The following NTM variants were observed in gnomAD, a reference collection of about 807,000 sequenced individuals.
NTM encodes IgLON family member 2.
In NTM, 13 loss-of-function variants were observed where a neutral mutation model predicts 42.1. That is an observed-to-expected ratio of 0.31 (90% CI 0.20 to 0.49). The LOEUF (loss-of-function observed/expected upper bound fraction) is 0.49. Ranked by LOEUF, NTM falls within the 20% of genes least tolerant of loss-of-function variation. The probability of loss-of-function intolerance (pLI) is 0.99; values close to 1 mark genes in which losing one functional copy is unlikely to be tolerated. For missense variants in NTM, 373 were observed against 452.8 expected, an observed-to-expected ratio of 0.82 and a Z score of 1.60; for synonymous variants, 187 against 179.2, an observed-to-expected ratio of 1.04 and a Z score of -0.35.
intron 1 of NTM, among the ~76,000 whole-genome samples, chr11:131,541,577 T>A (rs2053266901): frequency 6.6e-6 from 1 of 151,760 alleles, no homozygotes; most frequent in African/African-American, 2.4e-5. Flanking sequence ...TGTGAATTTT[T>A]GGGAGCTATG....
chr11:132,217,768 T>C (rs1290947891), intron 4 of NTM, among the ~76,000 whole-genome samples: 1 of 152,042 alleles, frequency 6.6e-6, no homozygotes, highest in East Asian at 1.9e-4. Context: ...TGTTTCTTTT[T>C]TCTGGAGTTT....
intron 1 of NTM, among the ~76,000 whole-genome samples, chr11:131,487,211 A>G (rs1954272299): frequency 6.6e-6 from 1 of 152,166 alleles, no homozygotes; most frequent in Admixed American, 6.5e-5. Flanking sequence ...GCATATGTTT[A>G]TCTTAAACTC....
intron 2 of NTM, among the ~76,000 whole-genome samples, chr11:132,063,553 C>A (rs546991291): frequency 6.6e-6 from 1 of 152,184 alleles, no homozygotes; most frequent in East Asian, 1.9e-4. Context: ...ATGCACTGAG[C>A]CAGCAGAGCC....
At chr11:131,730,693 T>C (rs1457458446) in intron 1 of NTM, among the ~76,000 whole-genome samples, 19 of 118,904 alleles carry the variant, frequency 1.6e-4, no homozygotes, top group African/African-American at 4.8e-4. Flanking sequence ...CACTCCAACC[T>C]GGGTGCCACA....
chr11:131,936,295 T>C (rs1275951852), intron 2 of NTM, among the ~76,000 whole-genome samples: 2 of 152,238 alleles, frequency 1.3e-5, no homozygotes, highest in African/African-American at 4.8e-5. Context: ...TTCCTCTATA[T>C]AATACCAGAA....
At chr11:132,182,679 T>A (rs766808609) in intron 3 of NTM, among the ~76,000 whole-genome samples, 6 of 152,222 alleles carry the variant, frequency 3.9e-5, no homozygotes, top group Non-Finnish European at 4.4e-5. Context: ...GAGGATGCAG[T>A]CTGCATTGCT....
At chr11:132,188,495 G>A (rs911386499) in intron 3 of NTM, among the ~76,000 whole-genome samples, 1 of 152,098 alleles carries the variant, frequency 6.6e-6, no homozygotes, top group Admixed American at 6.6e-5. Flanking sequence ...AAATTCCACT[G>A]CCTGCCTTAA....
chr11:131,920,029 C>T (rs570457499), intron 2 of NTM, among the ~76,000 whole-genome samples: 1 of 152,180 alleles, frequency 6.6e-6, no homozygotes, highest in East Asian at 1.9e-4. Flanking sequence ...CTTTGTTTTT[C>T]GTAAAAAGAT....
chr11:131,899,834 C>T (rs2052865965), intron 1 of NTM, among the ~76,000 whole-genome samples: 1 of 152,066 alleles, frequency 6.6e-6, no homozygotes. Flanking sequence ...TCACTCTATC[C>T]TTATACATCG....
At chr11:132,181,186 C>T (rs2077523188) in intron 3 of NTM, among the ~76,000 whole-genome samples, 1 of 152,196 alleles carries the variant, frequency 6.6e-6, no homozygotes, top group African/African-American at 2.4e-5. Context: ...TCTTGACTTT[C>T]ACCCAACTCT....
intron 2 of NTM, among the ~76,000 whole-genome samples, chr11:131,919,303 T>G (rs1339725535): frequency 1.3e-5 from 2 of 152,186 alleles, no homozygotes; most frequent in African/African-American, 4.8e-5. Context: ...GTTCCCACTG[T>G]GTAATAGATA....
In NTM at chr11:131,969,189, TTCC is replaced by T. The variant is rs1262068599; in HGVS notation, c.167+57547_167+57549del. ...TACCCAGGTGTCTTTCTGAGCCCCT[TTCC>T]TCCTCAAGGCTCAGTAGCTTACTTT... On this transcript the variant is annotated intron_variant, in intron 2 of 8. Coordinates refer to ENST00000683400, the MANE Select transcript of NTM (RefSeq NM_001352005.2). 5.9e-5 allele frequency among the ~76,000 whole-genome samples: 9 copies of T among 152,286 alleles called. No individual in the cohort carries two copies. The South Asian group carries it at 1.0e-3, about 18-fold the overall frequency.
chr11:131,956,288 A>G (rs920699259), intron 2 of NTM, among the ~76,000 whole-genome samples: 39 of 152,296 alleles, frequency 2.6e-4, no homozygotes, highest in African/African-American at 9.1e-4. Flanking sequence ...GTGAGTCAGA[A>G]TGTGACCTCT....
At chr11:131,483,461 A>T (rs909187831) in intron 1 of NTM, among the ~76,000 whole-genome samples, 2 of 152,256 alleles carry the variant, frequency 1.3e-5, no homozygotes, top group African/African-American at 4.8e-5. Flanking sequence ...CATGAAGTTA[A>T]TAAGAAGCAG....
intron 1 of NTM, among the ~76,000 whole-genome samples, chr11:131,415,595 C>G (rs919967264): frequency 6.6e-6 from 1 of 152,144 alleles, no homozygotes; most frequent in Non-Finnish European, 1.5e-5. Flanking sequence ...GGCCAGGACT[C>G]CTTCTCCTAA....
intron 1 of NTM, among the ~76,000 whole-genome samples, chr11:131,668,920 G>A (rs981947584): frequency 1.3e-5 from 2 of 152,190 alleles, no homozygotes; most frequent in African/African-American, 4.8e-5. Flanking sequence ...TAATAATAAA[G>A]TAAGGCTCAG....
chr11:131,701,991 C>A (rs376151354), intron 1 of NTM, among the ~76,000 whole-genome samples: 3 of 152,222 alleles, frequency 2.0e-5, no homozygotes, highest in Non-Finnish European at 4.4e-5. Flanking sequence ...TGTCACACAA[C>A]CATGGCTCCT....
chr11:131,862,758 C>T (rs1189964952), intron 1 of NTM, among the ~76,000 whole-genome samples: 3 of 152,128 alleles, frequency 2.0e-5, no homozygotes, highest in Non-Finnish European at 4.4e-5. Flanking sequence ...GGCTCCAAAC[C>T]TCGAAATATG....
intron 1 of NTM, among the ~76,000 whole-genome samples, chr11:131,572,289 C>T (rs2057517235): frequency 6.6e-6 from 1 of 152,158 alleles, no homozygotes. Context: ...GTACAGTGAT[C>T]TGTGACAAGA....
Sources: gnomAD v4.1 joint callset for allele counts (sites outside exome capture counted in the v4.1 genomes callset) on GRCh38, gnomAD v4.1.1 for gene constraint, MANE v1.5 for transcripts, NCBI Gene and HGNC (gene_info 2026-07-23, HGNC 2026-07-21) for gene names.